Variants in NDC80 observed in about 807,000 individuals in gnomAD.
The protein encoded by NDC80 is kinetochore protein NDC80 homolog.
NDC80 carries 69 observed loss-of-function variants against 89.3 expected under a neutral mutation model. The ratio of observed to expected loss-of-function variants is 0.77; its 90% CI spans 0.64 to 0.94. NDC80 has a LOEUF of 0.94. NDC80 is among the 40% of genes least tolerant of loss of function. NDC80 has a pLI of 0.00. For missense variants in NDC80, 593 were observed against 739.6 expected, an observed-to-expected ratio of 0.80 and a Z score of 2.30; for synonymous variants, 243 against 255.6, an observed-to-expected ratio of 0.95 and a Z score of 0.47.
intron 6 of NDC80, among the ~76,000 whole-genome samples, chr18:2,583,546 C>G (rs959209998): frequency 4.6e-5 from 7 of 151,448 alleles, no homozygotes; most frequent in Admixed American, 4.6e-4. Context: ...ACTAAAAATG[C>G]AAAAATTAGG....
chr18:2,600,073 TAGGC>T lies in NDC80; in HGVS notation c.1374+909_1374+912del, dbSNP rs922819423. On this transcript the variant is annotated intron_variant, in intron 12 of 16. Transcript: ENST00000261597. ...AGTCTATTACTAATCTATCTATAGA[TAGGC>T]AGGCAGAGTTTGCTCACCACTGTTT... Among the ~76,000 whole-genome samples, 40 of 152,326 alleles carry T rather than the reference TAGGC, an allele frequency of 2.6e-4. 1 individual carries two copies. Among genetic ancestry groups the T allele is most frequent in the African/African-American group, 9.6e-4 (40 of 41,584 alleles).
intron 2 of NDC80, among the ~76,000 whole-genome samples, chr18:2,574,667 T>G (rs1320876106): frequency 1.3e-5 from 2 of 152,106 alleles, no homozygotes; most frequent in Non-Finnish European, 2.9e-5. Context: ...AAATTTAGGG[T>G]AGAAAATGTT....
At chr18:2,608,427 A>C (rs2072726422) in intron 14 of NDC80, among the ~76,000 whole-genome samples, 1 of 152,054 alleles carries the variant, frequency 6.6e-6, no homozygotes, top group Non-Finnish European at 1.5e-5. Context: ...GCTGGTCTCA[A>C]ACCCTTGACT....
At chr18:2,583,149 T>C (rs991886076) in intron 6 of NDC80, among the ~76,000 whole-genome samples, 1 of 152,232 alleles carries the variant, frequency 6.6e-6, no homozygotes, top group East Asian at 1.9e-4. Context: ...CTATACTTTT[T>C]ATATCTATAA....
intron 7 of NDC80, among the ~76,000 whole-genome samples, chr18:2,586,739 AG>A (rs1207545425): frequency 1.4e-5 from 2 of 146,962 alleles, no homozygotes; most frequent in African/African-American, 5.0e-5. Flanking sequence ...CAAAAAAAAA[AG>A]TGTTAAATGT....
chr18:2,608,654 G>A lies in NDC80; in HGVS notation c.1558-46G>A, dbSNP rs1478136831. The A allele has an allele frequency of 4.5e-6, 7 of 1,572,508 alleles. No homozygotes were observed. In the African/African-American group the frequency reaches 8.1e-5, roughly 18 times the overall value. ...GTTTTAAATCCACCTAGAGTATACA[G>A]AATGTGAATATCAAGAAACCCATAA... On this transcript the variant is annotated intron_variant, in intron 14 of 16. Transcript: ENST00000261597.
intron 6 of NDC80, among the ~76,000 whole-genome samples, chr18:2,579,390 A>G (rs1025274704): frequency 7.2e-5 from 11 of 152,322 alleles, no homozygotes; most frequent in African/African-American, 2.6e-4. Flanking sequence ...CCAAACTCAG[A>G]CAATAACATA....
chr18:2,584,884 T>C (rs2072596333), intron 6 of NDC80, among the ~76,000 whole-genome samples: 1 of 152,226 alleles, frequency 6.6e-6, no homozygotes, highest in Admixed American at 6.5e-5. Flanking sequence ...CTGAAGAGTT[T>C]AGTTACTAAA....
At position 2,606,508 on chromosome 18, in the gene NDC80, G is replaced by A; in HGVS notation, c.1557+1G>A. On this transcript the variant is annotated splice_donor_variant, in intron 14 of 16. Transcript: ENST00000261597. LOFTEE classifies it high-confidence loss of function. ...TGATCTTTACCAACAAAAAATTAAG[G>A]TAAGAACTTTGCCACAGTTTGCGTA... 6 of 1,591,802 alleles carry A rather than the reference G, an allele frequency of 3.8e-6. No individual in the cohort carries two copies. Among genetic ancestry groups the A allele is most frequent in the Non-Finnish European group, 5.1e-6 (6 of 1,167,524 alleles).
In NDC80 at chr18:2,585,203, GT is replaced by G; in HGVS notation, c.669+2del. 6.2e-7 allele frequency: 1 copy of G among 1,601,036 alleles called. No homozygotes were observed. The highest frequency in any genetic ancestry group is 8.6e-7 in the Non-Finnish European group (1 of 1,168,672). ...TGAAGATGGAATTATGCATAATAAG[GT>G]ACCATGTATTATCATAAACTGTAAT... On this transcript the variant is annotated splice_donor_variant, in intron 7 of 16. Coordinates refer to ENST00000261597, the MANE Select transcript of NDC80 (RefSeq NM_006101.3). LOFTEE classifies it high-confidence loss of function.
intron 1 of NDC80, among the ~76,000 whole-genome samples, chr18:2,572,207 A>G (rs1185397695): frequency 1.3e-5 from 2 of 152,260 alleles, no homozygotes; most frequent in Non-Finnish European, 2.9e-5. Flanking sequence ...GTAAAAGACT[A>G]AGGAGTACCC....
intron 12 of NDC80, among the ~76,000 whole-genome samples, chr18:2,600,141 A>G: frequency 6.6e-6 from 1 of 152,232 alleles, no homozygotes; most frequent in East Asian, 1.9e-4. Flanking sequence ...AAATAATTAC[A>G]TGAATCACAT....
intron 16 of NDC80, chr18:2,615,357 C>T (rs1429885148): frequency 6.6e-6 from 1 of 152,316 alleles, no homozygotes; most frequent in East Asian, 1.9e-4. Context: ...CTTTCTGGGG[C>T]CTTTGCCAGC....
At chr18:2,607,965 G>GTGTATA (rs1284761469) in intron 14 of NDC80, among the ~76,000 whole-genome samples, 15 of 68,152 alleles carry the variant, frequency 2.2e-4, no homozygotes, top group Non-Finnish European at 3.3e-4. Flanking sequence ...TATATACATA[G>GTGTATA]TATATATATA....
chr18:2,597,772 A>G (rs1412795993), intron 11 of NDC80, among the ~76,000 whole-genome samples: 1 of 152,072 alleles, frequency 6.6e-6, no homozygotes, highest in Non-Finnish European at 1.5e-5. Context: ...GATTCAAAGA[A>G]GTAGGTAGAT....
At chr18:2,612,922 G>T (rs1293618642) in intron 16 of NDC80, among the ~76,000 whole-genome samples, 1 of 152,218 alleles carries the variant, frequency 6.6e-6, no homozygotes, top group Admixed American at 6.5e-5. Flanking sequence ...AACAATATTT[G>T]TTGAACAGGA....
At position 2,589,866 on chromosome 18, in the gene NDC80, C is replaced by A. The variant is rs1175243668; in HGVS notation, c.871-152C>A. On this transcript the variant is annotated intron_variant, in intron 9 of 16. Transcript: ENST00000261597. Reference sequence around the variant, plus strand: ...TTCTATTTCAAACTGACAGTGTAGTCCCCTTTTAGTTCTTTTGACTTCCTC... The same window carrying A: ...TTCTATTTCAAACTGACAGTGTAGTACCCTTTTAGTTCTTTTGACTTCCTC... The A allele has an allele frequency of 1.2e-5, 5 of 430,006 alleles. No individual in the cohort carries two copies. The Admixed American group carries it at 1.8e-4, about 16-fold the overall frequency. The allele number at this position is 430,006 out of a possible 1,614,324, so 26.6% of individuals were successfully genotyped here. A position where few individuals can be genotyped will look rare whatever the true frequency, so the allele number is the denominator to read the frequency against.
At chr18:2,579,089 AT>A (rs1218115375) in intron 6 of NDC80, 60 bp downstream of exon 6, 23 of 1,007,880 alleles carry the variant, frequency 2.3e-5, no homozygotes, top group South Asian at 9.7e-5. Flanking sequence ...CTCAAAAAAA[AT>A]ATTTTCTCTC....
At chr18:2,581,485 AC>A (rs2072577847) in intron 6 of NDC80, among the ~76,000 whole-genome samples, 1 of 152,058 alleles carries the variant, frequency 6.6e-6, no homozygotes, top group Non-Finnish European at 1.5e-5. Context: ...ACATGACAAA[AC>A]CCCATCTCTA....
Sources: allele counts gnomAD v4.1 joint callset (sites outside exome capture counted in the v4.1 genomes callset), GRCh38; gene constraint gnomAD v4.1.1; transcripts MANE v1.5; gene names NCBI Gene and HGNC (gene_info 2026-07-23, HGNC 2026-07-21).